The following KCNQ2 variants were observed in gnomAD, a reference collection of about 807,000 sequenced individuals.
The protein encoded by KCNQ2 is potassium voltage-gated channel subfamily Q member 2.
In KCNQ2, 14 loss-of-function variants were observed where a neutral mutation model predicts 84.8. The observed-to-expected ratio is 0.17, with a 90% CI of 0.11 to 0.26. KCNQ2 has a LOEUF of 0.26. KCNQ2 is among the 10% of genes least tolerant of loss of function. The pLI is 1.00. For missense variants in KCNQ2, 788 were observed against 1,254.0 expected, an observed-to-expected ratio of 0.63 and a Z score of 5.61; for synonymous variants, 599 against 554.1, an observed-to-expected ratio of 1.08 and a Z score of -1.14.
In KCNQ2 at chr20:63,407,459, G is replaced by A. The variant is rs2079984034; in HGVS notation, c.1888-84C>T. 2 of 1,457,168 alleles carry A rather than the reference G, an allele frequency of 1.4e-6. No homozygotes were observed. The highest frequency in any genetic ancestry group is 1.9e-5 in the Admixed American group (1 of 53,204). 90.3% of individuals were successfully genotyped at this position (1,457,168 alleles called of 1,614,324 possible). A position where few individuals can be genotyped will look rare whatever the true frequency, so the allele number is the denominator to read the frequency against. On this transcript the variant is annotated intron_variant, in intron 16 of 16. Coordinates refer to ENST00000359125, the MANE Select transcript of KCNQ2 (RefSeq NM_172107.4). The surrounding 1 kb of genome is among the most constrained non-coding windows in gnomAD (Gnocchi z 7.2). Reference sequence around the variant, plus strand: ...CAGGCTGCTCCCAGGAAATGGGGGGGCCCAGGCTGGTTCCAGGAAACAGGA... The same window carrying A: ...CAGGCTGCTCCCAGGAAATGGGGGGACCCAGGCTGGTTCCAGGAAACAGGA...
Position 63,406,581 on chromosome 20 carries a change from T to C in KCNQ2, c.*63A>G. 2 of 1,505,740 alleles carry C rather than the reference T, an allele frequency of 1.3e-6. No homozygotes were observed. The highest frequency in any genetic ancestry group is 1.8e-6 in the Non-Finnish European group (2 of 1,134,290). The allele number at this position is 1,505,740 out of a possible 1,614,324, so 93.3% of individuals were successfully genotyped here. On this transcript the variant is annotated 3_prime_UTR_variant, in exon 17 of 17. Coordinates refer to ENST00000359125, the MANE Select transcript of KCNQ2 (RefSeq NM_172107.4). ...AAAAGGGCCCCAGAGGGTTCCCGCCTCAAAACCTCGGAGGCACCGTGCTGA... is the reference window on the plus strand; with the variant it reads ...AAAAGGGCCCCAGAGGGTTCCCGCCCCAAAACCTCGGAGGCACCGTGCTGA...
intron 5 of KCNQ2, among the ~76,000 whole-genome samples, chr20:63,440,053 G>A (rs1432624181): frequency 6.6e-6 from 1 of 152,356 alleles, no homozygotes; most frequent in East Asian, 1.9e-4. Context: ...CTGGGGAGAA[G>A]GGAGTGCCCA....
intron 2 of KCNQ2, 90 bp from the exon 3 acceptor site, chr20:63,445,454 G>T: frequency 6.7e-7 from 1 of 1,496,006 alleles, no homozygotes; most frequent in Non-Finnish European, 9.2e-7. Flanking sequence ...TTCTGGCCCA[G>T]GGACCAAGCC....
intron 11 of KCNQ2, among the ~76,000 whole-genome samples, chr20:63,420,421 T>C (rs1289799215): frequency 6.6e-6 from 1 of 152,126 alleles, no homozygotes; most frequent in Non-Finnish European, 1.5e-5. Context: ...ATGAAACCAA[T>C]CACCAAGAAC....
intron 4 of KCNQ2, among the ~76,000 whole-genome samples, 171 bp from the exon 5 acceptor site, chr20:63,442,702 C>CAAA (rs1485241866): frequency 1.2e-5 from 1 of 82,654 alleles, no homozygotes; most frequent in East Asian, 5.8e-4. Flanking sequence ...TCACCACCAT[C>CAAA]ACCATCACCA....
rs556312843 is a variant in KCNQ2, at chr20:63,405,328, C to A, written c.*1316G>T. On this transcript the variant is annotated 3_prime_UTR_variant, in exon 17 of 17. Transcript: ENST00000359125. Reference sequence around the variant, plus strand: ...TGCTCCCGGGGTCTGGTTCTTAAGTCTGGAGCTAGGGACTCGCTCCCGCAT... The same window carrying A: ...TGCTCCCGGGGTCTGGTTCTTAAGTATGGAGCTAGGGACTCGCTCCCGCAT... 3 of 152,432 alleles carry A rather than the reference C, an allele frequency of 2.0e-5. No homozygotes were observed. The highest frequency in any genetic ancestry group is 7.2e-5 in the African/African-American group (3 of 41,572). The allele number at this position is 152,432 out of a possible 1,614,324, so 9.4% of individuals were successfully genotyped here.
intron 1 of KCNQ2, among the ~76,000 whole-genome samples, chr20:63,454,603 CAG>C (rs2081721436): frequency 6.6e-6 from 1 of 152,278 alleles, no homozygotes; most frequent in Non-Finnish European, 1.5e-5. Context: ...GGGGAAGACA[CAG>C]GGGCTTCCAG....
Position 63,402,055 on chromosome 20 carries a change from C to A in KCNQ2, c.*4589G>T. 7.0e-6 allele frequency: 1 copy of A among 143,052 alleles called. No individual in the cohort carries two copies. The highest frequency in any genetic ancestry group is 9.5e-5 in the South Asian group (1 of 10,492). 8.9% of individuals were successfully genotyped at this position (143,052 alleles called of 1,614,324 possible). ...AGCCCTGTGAACCATCCCTCTCACACCACGTCTGCCGGGCACCCTCCATGG... is the reference window on the plus strand; with the variant it reads ...AGCCCTGTGAACCATCCCTCTCACAACACGTCTGCCGGGCACCCTCCATGG... On this transcript the variant is annotated 3_prime_UTR_variant, in exon 17 of 17. Transcript: ENST00000359125.
intron 11 of KCNQ2, among the ~76,000 whole-genome samples, chr20:63,422,989 C>T (rs529118468): frequency 6.6e-6 from 1 of 152,246 alleles, no homozygotes; most frequent in South Asian, 2.1e-4. Context: ...CTCATCCCCA[C>T]AGCCACTCCC....
intron 11 of KCNQ2, among the ~76,000 whole-genome samples, chr20:63,420,624 G>A (rs1053572639): frequency 6.6e-6 from 1 of 152,158 alleles, no homozygotes; most frequent in African/African-American, 2.4e-5. Flanking sequence ...AGACACCGAT[G>A]TCCCTGCACG....
intron 7 of KCNQ2, among the ~76,000 whole-genome samples, chr20:63,435,169 G>A (rs2080956291): frequency 6.6e-6 from 1 of 152,166 alleles, no homozygotes; most frequent in Non-Finnish European, 1.5e-5. Flanking sequence ...CAGGTGGATC[G>A]CCTGAGCCCA....
chr20:63,423,518 C>G (rs959756844), intron 11 of KCNQ2: 2 of 152,438 alleles, frequency 1.3e-5, no homozygotes, highest in Admixed American at 6.5e-5. Context: ...CCAGCAGAGC[C>G]CTTACACGAG....
Position 63,431,388 on chromosome 20 carries a change from C to G in KCNQ2, c.1119-19G>C. The G allele has an allele frequency of 1.2e-6, 2 of 1,613,514 alleles. No homozygotes were observed. The highest frequency in any genetic ancestry group is 1.7e-6 in the Non-Finnish European group (2 of 1,179,722). On this transcript the variant is annotated intron_variant, in intron 8 of 16. Transcript: ENST00000359125. ...TTGCGAACTTTCAAGTGTTTCCACA[C>G]ACACAAAGGGAAAAGAACGGAAAAT...
At chr20:63,452,317 G>A (rs2081637800) in intron 1 of KCNQ2, among the ~76,000 whole-genome samples, 1 of 152,254 alleles carries the variant, frequency 6.6e-6, no homozygotes, top group Non-Finnish European at 1.5e-5. Context: ...CTGCCTCTGA[G>A]CTGAGGGCAG....
At chr20:63,433,775 C>T in intron 8 of KCNQ2, 34 bp downstream of exon 8, 1 of 1,613,742 alleles carries the variant, frequency 6.2e-7, no homozygotes, top group Non-Finnish European at 8.5e-7. Flanking sequence ...AAAAATGAAA[C>T]AGTTGCTTGG....
In KCNQ2 at chr20:63,414,811, G is replaced by A. The variant is rs2080232768; in HGVS notation, c.1525+92C>T. 7.9e-7 allele frequency: 1 copy of A among 1,262,372 alleles called. No homozygotes were observed. Among genetic ancestry groups the A allele is most frequent in the Non-Finnish European group, 1.2e-6 (1 of 866,352 alleles). 78.2% of individuals were successfully genotyped at this position (1,262,372 alleles called of 1,614,324 possible). On this transcript the variant is annotated intron_variant, in intron 13 of 16. Coordinates refer to ENST00000359125, the MANE Select transcript of KCNQ2 (RefSeq NM_172107.4). The surrounding 1 kb of genome is among the most constrained non-coding windows in gnomAD (Gnocchi z 6.6). ...GTTCCCACTCCAAGAGCAAGCAAAAGCAGCTGCGACGCCACAGGGTGGCCA... is the reference window on the plus strand; with the variant it reads ...GTTCCCACTCCAAGAGCAAGCAAAAACAGCTGCGACGCCACAGGGTGGCCA...
intron 4 of KCNQ2, among the ~76,000 whole-genome samples, chr20:63,442,795 T>TG: frequency 9.9e-5 from 1 of 10,140 alleles, no homozygotes; most frequent in South Asian, 3.8e-3. Context: ...CCATCACCAT[T>TG]ACCACCACCA....
At chr20:63,442,686 T>TCACCAA (rs1568933748) in intron 4 of KCNQ2, among the ~76,000 whole-genome samples, 155 bp from the exon 5 acceptor site, 4 of 17,134 alleles carry the variant, frequency 2.3e-4, no homozygotes, top group Admixed American at 1.1e-3. Context: ...ACCACCACCA[T>TCACCAA]CACCATCACC....
intron 1 of KCNQ2, among the ~76,000 whole-genome samples, chr20:63,469,505 G>A (rs2082157552): frequency 6.6e-6 from 1 of 152,234 alleles, no homozygotes; most frequent in South Asian, 2.1e-4. Context: ...CCAAGCCCTG[G>A]GGCCATGGGG....
Sources: allele counts gnomAD v4.1 joint callset (sites outside exome capture counted in the v4.1 genomes callset), GRCh38; gene constraint gnomAD v4.1.1; non-coding constraint Gnocchi (gnomAD v3.1); transcripts MANE v1.5; gene names NCBI Gene and HGNC (gene_info 2026-07-23, HGNC 2026-07-21).